Variants in MORC1 observed in about 807,000 individuals in gnomAD.
MORC1 encodes the protein MORC family CW-type zinc finger protein 1.
Under a neutral mutation model 134.9 loss-of-function variants are expected in MORC1, and 59 were observed. The ratio of observed to expected loss-of-function variants is 0.44; its 90% CI spans 0.35 to 0.54. The LOEUF (loss-of-function observed/expected upper bound fraction) is 0.54. MORC1 is among the 20% of genes least tolerant of loss of function. The pLI is 0.00. For missense variants in MORC1, 947 were observed against 1,134.5 expected, an observed-to-expected ratio of 0.83 and a Z score of 2.37; for synonymous variants, 395 against 391.7, an observed-to-expected ratio of 1.01 and a Z score of -0.10.
chr3:108,983,783 A>T (rs538601829), intron 23 of MORC1, among the ~76,000 whole-genome samples: 3 of 152,324 alleles, frequency 2.0e-5, no homozygotes, highest in East Asian at 3.9e-4. Context: ...TTGAACTGAG[A>T]CTTAAATGAA....
In MORC1 at chr3:109,054,835, A is replaced by T. The variant is rs757795106; in HGVS notation, c.1223T>A (p.Met408Lys). 1 of 1,608,028 alleles carries T rather than the reference A, an allele frequency of 6.2e-7. No individual in the cohort carries two copies. Among genetic ancestry groups the T allele is most frequent in the East Asian group, 2.2e-5 (1 of 44,838 alleles). ...TTCCTGTTTATTATGGGATGGTTCC[A>T]TGACCTCCAAGGGTATATTAACAAT... is the stretch of plus-strand genomic sequence containing the variant. ...VGIVNIPLEV[M>K]EPSHNKQEFL... Residue 408 changes from methionine (M) to lysine (K), a missense_variant, in exon 14 of 28, where the codon ATG becomes AAG. Transcript: ENST00000232603.
intron 8 of MORC1, 77 bp from the exon 9 acceptor site, chr3:109,069,834 C>A: frequency 7.0e-7 from 1 of 1,433,944 alleles, no homozygotes. Flanking sequence ...TAACATCAGA[C>A]TATCAGGTTA....
chr3:109,109,299 G>T (rs1951110746), intron 3 of MORC1, among the ~76,000 whole-genome samples: 1 of 151,916 alleles, frequency 6.6e-6, no homozygotes, highest in African/African-American at 2.4e-5. Context: ...TCCCCATTAG[G>T]ATATATGTTC....
intron 17 of MORC1, among the ~76,000 whole-genome samples, chr3:109,011,722 T>C (rs549413903): frequency 2.0e-5 from 3 of 152,244 alleles, no homozygotes; most frequent in Non-Finnish European, 2.9e-5. Flanking sequence ...GGTTTCTCCA[T>C]GTTGGTCAGG....
chr3:108,966,072 G>A (rs1184433437), intron 26 of MORC1, among the ~76,000 whole-genome samples: 2 of 152,132 alleles, frequency 1.3e-5, no homozygotes, highest in African/African-American at 4.8e-5. Context: ...AGTGTAAAAG[G>A]ACATCTAGTT....
chr3:109,046,613 T>C (rs1949702236), intron 14 of MORC1, among the ~76,000 whole-genome samples: 1 of 152,220 alleles, frequency 6.6e-6, no homozygotes, highest in Non-Finnish European at 1.5e-5. Context: ...ACTAAACTAA[T>C]GCTCCTAAAA....
intron 21 of MORC1, among the ~76,000 whole-genome samples, chr3:108,989,760 G>A (rs1947995400): frequency 1.3e-5 from 2 of 152,108 alleles, no homozygotes; most frequent in Non-Finnish European, 2.9e-5. Flanking sequence ...CTCGTCCACA[G>A]TTAACATTAT....
Position 109,103,930 on chromosome 3 carries a change from G to C in MORC1, c.155-13C>G. 2 of 1,609,650 alleles carry C rather than the reference G, an allele frequency of 1.2e-6. No homozygotes were observed. The highest frequency in any genetic ancestry group is 1.7e-6 in the Non-Finnish European group (2 of 1,176,162). The stretch of plus-strand genomic sequence containing the variant: ...TTTTCATTATCCACTGTAAGAGAAA[G>C]CAGTTATTACTAATAAATATCGGGC... On this transcript the variant is annotated splice_polypyrimidine_tract_variant and intron_variant, in intron 3 of 27. Coordinates refer to ENST00000232603, the MANE Select transcript of MORC1 (RefSeq NM_014429.4).
intron 17 of MORC1, among the ~76,000 whole-genome samples, chr3:109,017,804 T>C (rs6793228): frequency 2.0e-5 from 3 of 152,178 alleles, no homozygotes; most frequent in Non-Finnish European, 4.4e-5. Context: ...ATCATTACCC[T>C]AGAAAGCTTG....
chr3:109,009,329 C>G (rs1050923753), intron 17 of MORC1, among the ~76,000 whole-genome samples: 2 of 151,884 alleles, frequency 1.3e-5, no homozygotes, highest in South Asian at 4.2e-4. Context: ...CCTCAGCCTC[C>G]CAAGTAGCTG....
chr3:109,024,842 A>G (rs560945720), intron 17 of MORC1, among the ~76,000 whole-genome samples: 1 of 152,186 alleles, frequency 6.6e-6, no homozygotes, highest in Non-Finnish European at 1.5e-5. Context: ...TATATTTGAA[A>G]CTGAATGGGG....
chr3:109,051,016 T>C (rs1033404486), intron 14 of MORC1, among the ~76,000 whole-genome samples: 21 of 152,198 alleles, frequency 1.4e-4, no homozygotes, highest in Non-Finnish European at 2.9e-4. Context: ...TTCTCCCCAC[T>C]TTTTATTTAT....
chr3:108,997,009 C>G (rs1418213427), intron 21 of MORC1, among the ~76,000 whole-genome samples: 1 of 31,542 alleles, frequency 3.2e-5, no homozygotes, highest in Non-Finnish European at 5.6e-5. Context: ...GACTCTGTCT[C>G]AAAAAAAAAA....
At position 109,099,355 on chromosome 3, in the gene MORC1, T is replaced by TA; in HGVS notation, c.423+2dup. On this transcript the variant is annotated splice_region_variant and intron_variant, in intron 6 of 27. Transcript: ENST00000232603. ...GGAACAGAAGGAAAACTTCAACTCT[T>TA]ACCTCACTAAGACTTTCTTCTTCAC... The TA allele has an allele frequency of 6.2e-7, 1 of 1,600,756 alleles. No individual in the cohort carries two copies. The highest frequency in any genetic ancestry group is 8.5e-7 in the Non-Finnish European group (1 of 1,173,030).
chr3:109,001,895 C>T (rs1329508712), intron 20 of MORC1, among the ~76,000 whole-genome samples: 1 of 152,224 alleles, frequency 6.6e-6, no homozygotes, highest in Admixed American at 6.5e-5. Flanking sequence ...TCATGCTGTT[C>T]TCCACAAGCC....
intron 14 of MORC1, among the ~76,000 whole-genome samples, chr3:109,047,186 T>G (rs1169012460): frequency 6.6e-6 from 1 of 152,184 alleles, no homozygotes; most frequent in Non-Finnish European, 1.5e-5. Context: ...CCTCATATTG[T>G]ACATTAGGTT....
At chr3:108,991,022 G>A (rs1414635407) in intron 21 of MORC1, among the ~76,000 whole-genome samples, 1 of 151,812 alleles carries the variant, frequency 6.6e-6, no homozygotes, top group Non-Finnish European at 1.5e-5. Flanking sequence ...GGGTACTGGA[G>A]GCCAACAATG....
chr3:109,054,713 C>G lies in MORC1; in HGVS notation c.1330+15G>C. On this transcript the variant is annotated intron_variant, in intron 14 of 27. Coordinates refer to ENST00000232603, the MANE Select transcript of MORC1 (RefSeq NM_014429.4). Reference sequence around the variant, plus strand: ...CCTCTGTAAGTATCTCCTACTATGACTATTGAATACTCACTGATGCCGGTG... The same window carrying G: ...CCTCTGTAAGTATCTCCTACTATGAGTATTGAATACTCACTGATGCCGGTG... 1 of 1,511,440 alleles carries G rather than the reference C, an allele frequency of 6.6e-7. No individual in the cohort carries two copies. Among genetic ancestry groups the G allele is most frequent in the East Asian group, 2.5e-5 (1 of 39,872 alleles). 93.6% of individuals were successfully genotyped at this position (1,511,440 alleles called of 1,614,324 possible).
At chr3:109,072,018 GTT>G (rs1950329719) in intron 8 of MORC1, among the ~76,000 whole-genome samples, 1 of 152,090 alleles carries the variant, frequency 6.6e-6, no homozygotes. Context: ...ACTTTTAGAA[GTT>G]CCTGTTTATT....
Sources: allele counts gnomAD v4.1 joint callset (sites outside exome capture counted in the v4.1 genomes callset), GRCh38; gene constraint gnomAD v4.1.1; transcripts MANE v1.5; gene names NCBI Gene and HGNC (gene_info 2026-07-23, HGNC 2026-07-21).